The following ZNF343 variants were observed in gnomAD, a reference collection of about 807,000 sequenced individuals.
ZNF343 encodes the protein zinc finger protein 343.
In ZNF343, 11 loss-of-function variants were observed where a neutral mutation model predicts 13.8. The observed-to-expected ratio is 0.80, with a 90% CI of 0.50 to 1.32. The LOEUF (loss-of-function observed/expected upper bound fraction) is 1.32, where lower values mean the gene tolerates loss of function less well. Ranked by LOEUF, ZNF343 falls within the 40% of genes most tolerant of loss-of-function variation. The probability of loss-of-function intolerance (pLI) is 0.00; values close to 1 mark genes in which losing one functional copy is unlikely to be tolerated. For synonymous variants in ZNF343, 248 were observed against 260.0 expected, an observed-to-expected ratio of 0.95 and a Z score of 0.44; for missense variants, 658 against 714.2, an observed-to-expected ratio of 0.92 and a Z score of 0.90.
intron 5 of ZNF343, among the ~76,000 whole-genome samples, chr20:2,490,641 G>C (rs1490978883): frequency 6.6e-6 from 1 of 151,222 alleles, no homozygotes; most frequent in African/African-American, 2.4e-5. Flanking sequence ...GGGTTCAAGT[G>C]AATCTCCTGC....
intron 1 of ZNF343, among the ~76,000 whole-genome samples, chr20:2,523,470 T>TA (rs2085791254): frequency 6.6e-6 from 1 of 152,128 alleles, no homozygotes; most frequent in Non-Finnish European, 1.5e-5. Context: ...TTCTTTTTTT[T>TA]ACATTCAGAA....
chr20:2,517,988 C>CA (rs2085766597), intron 1 of ZNF343, among the ~76,000 whole-genome samples: 1 of 151,286 alleles, frequency 6.6e-6, no homozygotes, highest in Non-Finnish European at 1.5e-5. Flanking sequence ...TAAAAGTACT[C>CA]AAAGGTTTAT....
chr20:2,521,756 G>A (rs1002841572), intron 1 of ZNF343, among the ~76,000 whole-genome samples: 3 of 152,204 alleles, frequency 2.0e-5, no homozygotes, highest in African/African-American at 7.2e-5. Context: ...CTTCTGAAAT[G>A]GAAGATGGGG....
At chr20:2,511,701 T>C (rs549049184), upstream of ZNF343, among the ~76,000 whole-genome samples, 33 of 152,222 alleles carry the variant, frequency 2.2e-4, no homozygotes, top group Admixed American at 3.9e-4. Flanking sequence ...TAGGAAAATT[T>C]TGCAATGTTT....
At chr20:2,516,075 CTAGGGT>C (rs2122756753) in intron 1 of ZNF343, among the ~76,000 whole-genome samples, 1 of 151,842 alleles carries the variant, frequency 6.6e-6, no homozygotes, top group East Asian at 1.9e-4. Context: ...AGAATGGGGG[CTAGGGT>C]GAGGGTGAGG....
chr20:2,506,772 A>G (rs2085665045), intron 1 of ZNF343, among the ~76,000 whole-genome samples: 1 of 152,110 alleles, frequency 6.6e-6, no homozygotes, highest in Non-Finnish European at 1.5e-5. Flanking sequence ...AGGAAGGGGA[A>G]CATCACACCC....
At position 2,484,170 on chromosome 20, in the gene ZNF343, A is replaced by G; in HGVS notation, c.791T>C (p.Leu264Ser). ...ACTGCAAATGTAGGGCTTCTTCCCT[A>G]AGAGGGTCCTCGGGTTTGTAATAAA... ...SNFITNPRTL[L>S]GKKPYICSDC... The change falls in exon 6 of 6, where the codon TTA becomes TCA. Residue 264 changes from leucine (L) to serine (S), a missense_variant. By Grantham distance (145) the Leu-to-Ser change is moderately radical. Coordinates refer to ENST00000278772, the MANE Select transcript of ZNF343 (RefSeq NM_024325.6). 1 of 1,614,208 alleles carries G rather than the reference A, an allele frequency of 6.2e-7. No individual in the cohort carries two copies. Among genetic ancestry groups the G allele is most frequent in the Non-Finnish European group, 8.5e-7 (1 of 1,180,032 alleles).
Position 2,484,442 on chromosome 20 carries a change from T to TG in ZNF343, c.518_519insC (p.Arg173SerfsTer33). 6.2e-7 allele frequency: 1 copy of TG among 1,614,204 alleles called. No individual in the cohort carries two copies. The highest frequency in any genetic ancestry group is 8.5e-7 in the Non-Finnish European group (1 of 1,180,032). On this transcript the variant is annotated frameshift_variant, in exon 6 of 6. Coordinates refer to ENST00000278772, the MANE Select transcript of ZNF343 (RefSeq NM_024325.6). LOFTEE classifies it low-confidence loss of function (END_TRUNC). ...CAGACCAGGGTTTGGAGCCACCTCC[T>TG]CTCTCCTGACCTTCTGCATTTTCAA... is the stretch of plus-strand genomic sequence containing the variant.
At chr20:2,522,778 G>C (rs1252193697) in intron 1 of ZNF343, among the ~76,000 whole-genome samples, 1 of 152,204 alleles carries the variant, frequency 6.6e-6, no homozygotes, top group Non-Finnish European at 1.5e-5. Flanking sequence ...GCAAAACCCT[G>C]TCTCTACAAA....
At chr20:2,520,445 C>T (rs1274966745) in intron 1 of ZNF343, among the ~76,000 whole-genome samples, 1 of 152,038 alleles carries the variant, frequency 6.6e-6, no homozygotes, top group Non-Finnish European at 1.5e-5. Flanking sequence ...TCAGCCTGGA[C>T]AACATGGCAA....
At chr20:2,486,845 T>G (rs557238891) in intron 5 of ZNF343, 2 of 151,998 alleles carry the variant, frequency 1.3e-5, no homozygotes, top group Non-Finnish European at 2.9e-5. Context: ...ATACAAAATA[T>G]AGTCCATATA....
chr20:2,510,879 A>T (rs1236550990), upstream of ZNF343, among the ~76,000 whole-genome samples: 1 of 152,198 alleles, frequency 6.6e-6, no homozygotes, highest in Non-Finnish European at 1.5e-5. Context: ...TATGTGTGGG[A>T]AAACAGAAAT....
intron 1 of ZNF343, among the ~76,000 whole-genome samples, chr20:2,519,816 T>TG: frequency 6.6e-6 from 1 of 152,374 alleles, no homozygotes; most frequent in South Asian, 2.1e-4. Context: ...TCAACTGTTC[T>TG]GTTTAGTTTC....
Position 2,484,451 on chromosome 20 carries a change from A to T in ZNF343, c.510T>A (p.Gly170=). ...GTTTGGAGCCACCTCCTCTCTCCTG[A>T]CCTTCTGCATTTTCAAACCAACAGC... is the stretch of plus-strand genomic sequence containing the variant. The part of the protein sequence containing the change: ...HVSCWFENAE[G]QERGGGSKPW... The change falls in exon 6 of 6, where the codon GGT becomes GGA. Residue 170 remains glycine, a synonymous_variant. Transcript: ENST00000278772. 1 of 1,614,058 alleles carries T rather than the reference A, an allele frequency of 6.2e-7. No homozygotes were observed. The highest frequency in any genetic ancestry group is 8.5e-7 in the Non-Finnish European group (1 of 1,180,014).
chr20:2,486,238 A>T (rs1345079416), intron 5 of ZNF343, among the ~76,000 whole-genome samples: 1 of 152,188 alleles, frequency 6.6e-6, no homozygotes, highest in Non-Finnish European at 1.5e-5. Flanking sequence ...AGCTCCTTAC[A>T]CTTAACACCC....
chr20:2,495,131 G>A (rs2085436441), intron 2 of ZNF343, among the ~76,000 whole-genome samples: 1 of 152,182 alleles, frequency 6.6e-6, no homozygotes, highest in African/African-American at 2.4e-5. Context: ...AGCAGCTCTT[G>A]TAATTCATCC....
Position 2,518,842 on chromosome 20 carries a change from G to A in ZNF343, c.-347+5613C>T, listed in dbSNP as rs774590781. On this transcript the variant is annotated intron_variant, in intron 1 of 6. Transcript: ENST00000358413. This position sits in a 1 kb window ranked among gnomAD's most constrained non-coding sequence, Gnocchi z 4.6. ...TCGAATTGTAATCCCCACATGTCAG[G>A]GGAGGGACCTGGTGGAAGGCGATTG... 1.5e-4 allele frequency among the ~76,000 whole-genome samples: 23 copies of A among 152,150 alleles called. No homozygotes were observed. Among genetic ancestry groups the A allele is most frequent in the Non-Finnish European group, 5.9e-5 (4 of 68,032 alleles).
chr20:2,484,091 T>C lies in ZNF343; in HGVS notation c.870A>G (p.Ile290Met). ...ACACATAAGGCTTCTCCATCGAGTG[T>C]ATACGATGGTGTCTGATGAGGGTTG... ...DRSTLIRHHR[I>M]HSMEKPYVCS... The change falls in exon 6 of 6, where the codon ATA (isoleucine) becomes ATG (methionine). Residue 290 changes from isoleucine to methionine, a missense_variant. Ile to Met is a conservative substitution (Grantham distance 10). Coordinates refer to ENST00000278772, the MANE Select transcript of ZNF343 (RefSeq NM_024325.6). 6.2e-7 allele frequency: 1 copy of C among 1,614,226 alleles called. No individual in the cohort carries two copies. Among genetic ancestry groups the C allele is most frequent in the South Asian group, 1.1e-5 (1 of 91,086 alleles).
At chr20:2,505,141 C>A (rs1027571508) in intron 1 of ZNF343, among the ~76,000 whole-genome samples, 2 of 150,822 alleles carry the variant, frequency 1.3e-5, no homozygotes, top group South Asian at 4.2e-4. Context: ...CAATCACAAG[C>A]ATTCTTATAC....
Sources: gnomAD v4.1 joint callset for allele counts (sites outside exome capture counted in the v4.1 genomes callset) on GRCh38, gnomAD v4.1.1 for gene constraint, Gnocchi (gnomAD v3.1) non-coding constraint, MANE v1.5 for transcripts, NCBI Gene and HGNC (gene_info 2026-07-23, HGNC 2026-07-21) for gene names.